The following DPH6 variants were observed in gnomAD, a reference collection of about 807,000 sequenced individuals.
The protein encoded by DPH6 is diphthine--ammonia ligase.
In DPH6, 33 loss-of-function variants were observed where a neutral mutation model predicts 38.2. The ratio of observed to expected loss-of-function variants is 0.86; its 90% CI spans 0.65 to 1.15. The LOEUF is 1.15. Among genes scored for constraint, DPH6 ranks in the 50% most tolerant of loss-of-function variants. DPH6 has a pLI of 0.00. For synonymous variants in DPH6, 108 were observed against 103.0 expected, an observed-to-expected ratio of 1.05 and a Z score of -0.30; for missense variants, 325 against 320.0, an observed-to-expected ratio of 1.02 and a Z score of -0.12.
chr15:35,350,279 T>C (rs2052498404), intron 3 of DPH6, among the ~76,000 whole-genome samples: 1 of 151,860 alleles, frequency 6.6e-6, no homozygotes, highest in Non-Finnish European at 1.5e-5. Context: ...GTATCATCAG[T>C]TGCAATGTCT....
intron 3 of DPH6, among the ~76,000 whole-genome samples, chr15:35,347,979 T>G (rs1713943164): frequency 6.6e-6 from 1 of 152,208 alleles, no homozygotes; most frequent in African/African-American, 2.4e-5. Context: ...TTTGACCATT[T>G]TAAAATTAGA....
At chr15:35,515,321 T>A (rs543838345) in intron 3 of DPH6, among the ~76,000 whole-genome samples, 1 of 152,204 alleles carries the variant, frequency 6.6e-6, no homozygotes, top group African/African-American at 2.4e-5. Flanking sequence ...GGGCTGGGTA[T>A]GGCGGGTCAT....
At chr15:35,488,530 C>T (rs1345132003) in intron 3 of DPH6, among the ~76,000 whole-genome samples, 1 of 152,072 alleles carries the variant, frequency 6.6e-6, no homozygotes, top group African/African-American at 2.4e-5. Flanking sequence ...AACTTTTAAA[C>T]CATCAGATCT....
intron 3 of DPH6, among the ~76,000 whole-genome samples, chr15:35,361,031 G>T (rs2052609836): frequency 6.6e-6 from 1 of 152,188 alleles, no homozygotes; most frequent in Non-Finnish European, 1.5e-5. Context: ...TCTAATGAAG[G>T]TATAAGCCAA....
intron 5 of DPH6, among the ~76,000 whole-genome samples, chr15:35,425,974 G>A (rs143343036): frequency 1.3e-5 from 2 of 151,356 alleles, no homozygotes; most frequent in East Asian, 3.9e-4. Flanking sequence ...TCCTTCCCCT[G>A]CTGTTATAAT....
chr15:35,216,180 C>T (rs1177443259), downstream of DPH6, among the ~76,000 whole-genome samples: 1 of 152,184 alleles, frequency 6.6e-6, no homozygotes, highest in Non-Finnish European at 1.5e-5. Context: ...ACAGGTTACC[C>T]TGTGAAACCA....
chr15:35,500,316 G>C (rs973376517), intron 3 of DPH6, among the ~76,000 whole-genome samples: 6 of 152,052 alleles, frequency 3.9e-5, no homozygotes, highest in African/African-American at 1.4e-4. Context: ...TCAATGAATG[G>C]GTTGTTGATG....
rs182006918 is a variant in DPH6, at chr15:35,233,136, C to T, written n.201-12554G>A. 1.7e-3 allele frequency among the ~76,000 whole-genome samples: 251 copies of T among 152,000 alleles called. 1 individual carries two copies. The highest frequency in any genetic ancestry group is 4.3e-3 in the East Asian group (22 of 5,156). ...CAGCCTGGCCAATGTGGTGAAACCC[C>T]GTCTCTACTAAAAATAAAAAAAATT... On this transcript the variant is annotated intron_variant and non_coding_transcript_variant, in intron 3 of 3. Transcript: ENST00000560386.
At chr15:35,432,019 A>G (rs2053639036) in intron 5 of DPH6, among the ~76,000 whole-genome samples, 1 of 152,170 alleles carries the variant, frequency 6.6e-6, no homozygotes. Flanking sequence ...CAGAATAACC[A>G]AGTCCAACTA....
At chr15:35,429,152 A>C (rs187456107) in intron 5 of DPH6, among the ~76,000 whole-genome samples, 15 of 152,302 alleles carry the variant, frequency 9.8e-5, no homozygotes, top group Non-Finnish European at 1.6e-4. Context: ...AATGTTCCAC[A>C]TTAACTCTGT....
chr15:35,200,173 G>A, the DPH6 span, among the ~76,000 whole-genome samples: 1 of 152,130 alleles, frequency 6.6e-6, no homozygotes, highest in Non-Finnish European at 1.5e-5. Flanking sequence ...GAAAGATGAT[G>A]AGAGAGAGTT....
chr15:35,252,593 A>G (rs950611966), intron 3 of DPH6, among the ~76,000 whole-genome samples: 1 of 152,246 alleles, frequency 6.6e-6, no homozygotes, highest in African/African-American at 2.4e-5. Flanking sequence ...GGAGGGTTAT[A>G]TAACGTGACA....
In DPH6 at chr15:35,240,732, CAG is replaced by C. The variant is rs1428827607; in HGVS notation, n.201-20152_201-20151del. 3.8e-3 allele frequency among the ~76,000 whole-genome samples: 552 copies of C among 144,014 alleles called. 47 individuals carry two copies. The highest frequency in any genetic ancestry group is 0.013 in the African/African-American group (526 of 39,792). 94.5% of individuals were successfully genotyped at this position (144,014 alleles called of 152,430 possible). On this transcript the variant is annotated intron_variant and non_coding_transcript_variant, in intron 3 of 3. Transcript: ENST00000560386. ...GCCCAGTTCATGGCTCGTTCGGCAG[CAG>C]CCCTGAGACGCTTTACAGCCCTAGA...
intron 5 of DPH6, among the ~76,000 whole-genome samples, chr15:35,441,958 C>G (rs529729170): frequency 6.6e-6 from 1 of 151,734 alleles, no homozygotes; most frequent in Non-Finnish European, 1.5e-5. Context: ...GAGTAAATCT[C>G]GTGACATCAA....
At chr15:35,313,061 C>T (rs1244125356) in intron 3 of DPH6, among the ~76,000 whole-genome samples, 1 of 151,802 alleles carries the variant, frequency 6.6e-6, no homozygotes, top group Non-Finnish European at 1.5e-5. Context: ...AACCCCATCT[C>T]TACTAAAAAT....
chr15:35,483,586 T>C (rs1349481145), intron 3 of DPH6, among the ~76,000 whole-genome samples: 1 of 152,110 alleles, frequency 6.6e-6, no homozygotes, highest in Non-Finnish European at 1.5e-5. Context: ...GAGGAAACAT[T>C]TATCCATTGC....
At chr15:35,446,790 T>C (rs2053859556) in intron 5 of DPH6, among the ~76,000 whole-genome samples, 1 of 152,084 alleles carries the variant, frequency 6.6e-6, no homozygotes, top group Non-Finnish European at 1.5e-5. Context: ...AAATGAGTTG[T>C]AACTGTAGTG....
chr15:35,362,969 T>C (rs2052626473), intron 3 of DPH6, among the ~76,000 whole-genome samples: 1 of 152,192 alleles, frequency 6.6e-6, no homozygotes, highest in Non-Finnish European at 1.5e-5. Flanking sequence ...ATCTTTTTTA[T>C]TACTGATTTT....
At chr15:35,296,892 C>T (rs536938026) in intron 3 of DPH6, among the ~76,000 whole-genome samples, 1 of 126,540 alleles carries the variant, frequency 7.9e-6, no homozygotes, top group Non-Finnish European at 1.5e-5. Context: ...GCAAGCTCCG[C>T]TTCCCGGGTT....
Sources: gnomAD v4.1 joint callset for allele counts (sites outside exome capture counted in the v4.1 genomes callset) on GRCh38, gnomAD v4.1.1 for gene constraint, MANE v1.5 for transcripts, NCBI Gene and HGNC (gene_info 2026-07-23, HGNC 2026-07-21) for gene names.